The following CWC27 variants were observed in gnomAD, a reference collection of about 807,000 sequenced individuals.
The protein encoded by CWC27 is spliceosome-associated protein CWC27 homolog.
Under a neutral mutation model 63.6 loss-of-function variants are expected in CWC27, and 47 were observed. That is an observed-to-expected ratio of 0.74 (90% CI 0.58 to 0.94). CWC27 has a LOEUF of 0.94. CWC27 is among the 40% of genes least tolerant of loss of function. The pLI, the probability that CWC27 is intolerant of heterozygous loss-of-function variation, is 0.00. For synonymous variants in CWC27, 175 were observed against 179.8 expected (o/e 0.97, Z 0.22); for missense variants, 495 against 554.3 (o/e 0.89, Z 1.07).
intron 11 of CWC27, among the ~76,000 whole-genome samples, chr5:64,935,218 A>T (rs1748321554): frequency 6.6e-6 from 1 of 152,164 alleles, no homozygotes; most frequent in South Asian, 2.1e-4. Context: ...GTTTTCTTCT[A>T]GGGTTTTATG....
At chr5:64,880,799 A>C (rs1746915046) in intron 10 of CWC27, among the ~76,000 whole-genome samples, 1 of 151,706 alleles carries the variant, frequency 6.6e-6, no homozygotes, top group East Asian at 1.9e-4. Flanking sequence ...CAAATGAAAT[A>C]TAACTGTGAG....
chr5:64,933,558 T>C (rs556331617), intron 11 of CWC27, among the ~76,000 whole-genome samples: 2 of 151,416 alleles, frequency 1.3e-5, no homozygotes, highest in East Asian at 3.9e-4. Flanking sequence ...AGTGGCGCGA[T>C]CTCGGCTCGC....
intron 11 of CWC27, among the ~76,000 whole-genome samples, chr5:64,950,559 C>T (rs1290903402): frequency 6.6e-6 from 1 of 151,860 alleles, no homozygotes; most frequent in Non-Finnish European, 1.5e-5. Flanking sequence ...CCATTATAAC[C>T]ATTTGAATTA....
intron 13 of CWC27, among the ~76,000 whole-genome samples, chr5:64,983,990 C>G (rs1025320893): frequency 1.3e-5 from 2 of 152,138 alleles, no homozygotes; most frequent in African/African-American, 2.4e-5. Flanking sequence ...CACCACCACG[C>G]CCGGCTAATT....
intron 13 of CWC27, among the ~76,000 whole-genome samples, chr5:64,984,031 C>T (rs969662855): frequency 6.6e-6 from 1 of 152,088 alleles, no homozygotes; most frequent in East Asian, 1.9e-4. Flanking sequence ...TGGGGTTTCA[C>T]CATGTTGGTC....
rs141994044 is a variant in CWC27 at position 64,976,940 on chromosome 5, A to C, written c.1153-195A>C. ...ATCTCTGAGGGGAAATGTCAGTGCA[A>C]ATCCAAACAGAATGATGTCAAGGTT... is the stretch of plus-strand genomic sequence containing the variant. On this transcript the variant is annotated intron_variant, in intron 12 of 13. Transcript: ENST00000381070. 2.7e-4 allele frequency among the ~76,000 whole-genome samples: 41 copies of C among 152,320 alleles called. No homozygotes were observed. In the East Asian group the frequency reaches 6.9e-3, roughly 26 times the overall value.
chr5:64,889,293 T>C (rs1188292325), intron 11 of CWC27, among the ~76,000 whole-genome samples: 1 of 152,236 alleles, frequency 6.6e-6, no homozygotes, highest in African/African-American at 2.4e-5. Context: ...TCCAACATTA[T>C]TGGCATGGTT....
chr5:64,942,886 T>C (rs1160426243), intron 11 of CWC27, among the ~76,000 whole-genome samples: 2 of 152,242 alleles, frequency 1.3e-5, no homozygotes, highest in Admixed American at 1.3e-4. Flanking sequence ...AAATTGTAAA[T>C]ACTTTATCTT....
At chr5:64,883,916 G>C (rs1470221995) in intron 10 of CWC27, among the ~76,000 whole-genome samples, 1 of 152,164 alleles carries the variant, frequency 6.6e-6, no homozygotes, top group Admixed American at 6.5e-5. Context: ...TCTATAATAA[G>C]ATCCTAGAGC....
chr5:64,964,901 T>C (rs1305599206), intron 11 of CWC27, among the ~76,000 whole-genome samples: 1 of 152,112 alleles, frequency 6.6e-6, no homozygotes, highest in African/African-American at 2.4e-5. Flanking sequence ...AAAAATCAAA[T>C]TGGTATTAAA....
chr5:64,879,852 C>T (rs1746893821), intron 10 of CWC27, among the ~76,000 whole-genome samples: 1 of 151,674 alleles, frequency 6.6e-6, no homozygotes, highest in Non-Finnish European at 1.5e-5. Flanking sequence ...TGTCACTTTA[C>T]TCACAAATGC....
chr5:64,903,801 A>G (rs1747563104), intron 11 of CWC27, among the ~76,000 whole-genome samples: 1 of 152,168 alleles, frequency 6.6e-6, no homozygotes, highest in African/African-American at 2.4e-5. Context: ...CGCCCCTCAC[A>G]GTTTCACCCA....
At chr5:64,914,958 T>A (rs1413947463) in intron 11 of CWC27, among the ~76,000 whole-genome samples, 1 of 152,160 alleles carries the variant, frequency 6.6e-6, no homozygotes, top group African/African-American at 2.4e-5. Flanking sequence ...AGATAAATCT[T>A]ACAAACATAA....
At chr5:64,875,033 CAT>C (rs1209933320) in intron 10 of CWC27, among the ~76,000 whole-genome samples, 15 of 151,940 alleles carry the variant, frequency 9.9e-5, no homozygotes, top group African/African-American at 3.4e-4. Context: ...TATGAAATAA[CAT>C]ATTTGATTCT....
At chr5:64,856,484 G>GTGTA (rs1470647114) in intron 10 of CWC27, among the ~76,000 whole-genome samples, 1 of 151,774 alleles carries the variant, frequency 6.6e-6, no homozygotes, top group South Asian at 2.1e-4. Flanking sequence ...GTGTGTGTGT[G>GTGTA]TGTATGTGTG....
Position 64,781,989 on chromosome 5 carries a change from G to A in CWC27, c.208G>A (p.Gly70Ser), listed in dbSNP as rs1171780058. The change falls in exon 3 of 14, where the codon GGC becomes AGC. Residue 70 changes from glycine (G) to serine (S), a missense_variant. Transcript: ENST00000381070. ...CATAGTCCAAGGCGGAGATCCTACT[G>A]GCACAGGGAGTGGTGGAGAGTCTAT... is the stretch of plus-strand genomic sequence containing the variant. ...GFIVQGGDPT[G>S]TGSGGESIYG... 5.0e-6 allele frequency: 8 copies of A among 1,602,066 alleles called. No homozygotes were observed. The highest frequency in any genetic ancestry group is 6.8e-6 in the Non-Finnish European group (8 of 1,171,644).
intron 13 of CWC27, among the ~76,000 whole-genome samples, chr5:64,997,158 C>T (rs80265142): frequency 0.014 from 2,159 of 151,992 alleles, 24 homozygotes; most frequent in Non-Finnish European, 0.022. Flanking sequence ...CCACATTTAC[C>T]CCTAATTTTT....
At chr5:65,002,944 C>T (rs1417978229) in intron 13 of CWC27, among the ~76,000 whole-genome samples, 3 of 152,082 alleles carry the variant, frequency 2.0e-5, no homozygotes, top group Non-Finnish European at 2.9e-5. Flanking sequence ...TCTAATAATA[C>T]TTGCTTTATA....
chr5:64,915,352 A>G (rs906389784), intron 11 of CWC27, among the ~76,000 whole-genome samples: 1 of 152,216 alleles, frequency 6.6e-6, no homozygotes, highest in Non-Finnish European at 1.5e-5. Flanking sequence ...GTAGGGAAAG[A>G]TAATGGTTAC....
Sources: gnomAD v4.1 joint callset for allele counts (sites outside exome capture counted in the v4.1 genomes callset) on GRCh38, gnomAD v4.1.1 for gene constraint, MANE v1.5 for transcripts, NCBI Gene and HGNC (gene_info 2026-07-23, HGNC 2026-07-21) for gene names.